The following TXNRD2 variants were observed in gnomAD, a reference collection of about 807,000 sequenced individuals.
TXNRD2 encodes the protein thioredoxin reductase 2, mitochondrial.
Under a neutral mutation model 70.8 loss-of-function variants are expected in TXNRD2, and 67 were observed. The observed-to-expected ratio is 0.95, with a 90% CI of 0.78 to 1.16. TXNRD2 has a LOEUF of 1.16. Ranked by LOEUF, TXNRD2 falls within the 50% of genes most tolerant of loss-of-function variation. TXNRD2 has a pLI of 0.00. For synonymous variants in TXNRD2, 301 were observed against 295.8 expected, an observed-to-expected ratio of 1.02 and a Z score of -0.18; for missense variants, 644 against 719.9, an observed-to-expected ratio of 0.89 and a Z score of 1.21.
intron 1 of TXNRD2, among the ~76,000 whole-genome samples, chr22:19,940,422 G>A (rs1941671120): frequency 6.6e-6 from 1 of 152,034 alleles, no homozygotes; most frequent in Non-Finnish European, 1.5e-5. Flanking sequence ...TGCATAGAAG[G>A]TTCAGTTTGT....
chr22:19,903,052 C>T (rs559104729), intron 8 of TXNRD2: 2 of 518,484 alleles, frequency 3.9e-6, no homozygotes, highest in South Asian at 2.8e-5. Context: ...CCCAGGAGTG[C>T]GAGGACAGAC....
intron 8 of TXNRD2, chr22:19,911,096 A>AAC (rs1940387850): frequency 2.1e-6 from 1 of 485,734 alleles, no homozygotes; most frequent in Non-Finnish European, 3.8e-6. Context: ...CAAAAAAAAA[A>AAC]CCAAAACAGA....
chr22:19,935,447 T>C (rs916477388), intron 1 of TXNRD2, among the ~76,000 whole-genome samples: 3 of 152,228 alleles, frequency 2.0e-5, no homozygotes, highest in South Asian at 2.1e-4. Flanking sequence ...CAGCTGAACA[T>C]AGACCCTTAT....
At chr22:19,915,547 T>C (rs1486869440) in intron 6 of TXNRD2, among the ~76,000 whole-genome samples, 1 of 152,142 alleles carries the variant, frequency 6.6e-6, no homozygotes, top group South Asian at 2.1e-4. Context: ...GCAAAAAGGG[T>C]GTGGTCACCA....
intron 11 of TXNRD2, among the ~76,000 whole-genome samples, chr22:19,884,666 CT>C (rs1757280008): frequency 6.6e-6 from 1 of 152,178 alleles, no homozygotes; most frequent in Non-Finnish European, 1.5e-5. Flanking sequence ...CAATGGCCTC[CT>C]CCCTATCTGG....
rs1203609304 is a variant in TXNRD2, at chr22:19,914,975, CA to C, written c.591+238del. 1.0e-4 allele frequency: 55 copies of C among 528,114 alleles called. 1 individual carries two copies. The Admixed American group carries it at 1.1e-3, about 11-fold the overall frequency. The allele number at this position is 528,114 out of a possible 1,614,324, so 32.7% of individuals were successfully genotyped here. A position where few individuals can be genotyped will look rare whatever the true frequency, so the allele number is the denominator to read the frequency against. ...GTGGAAGGGGACAGATCCAGCGGGG[CA>C]GGGGGAGAGCAGAACGAGAGCTGTC... On this transcript the variant is annotated intron_variant, in intron 7 of 17. Transcript: ENST00000400521.
intron 7 of TXNRD2, among the ~76,000 whole-genome samples, chr22:19,914,640 G>T (rs1940554062): frequency 6.6e-6 from 1 of 152,280 alleles, no homozygotes; most frequent in South Asian, 2.1e-4. Flanking sequence ...CTAGGGGCTG[G>T]GGGAGGAGGC....
intron 1 of TXNRD2, chr22:19,932,544 T>G (rs980629039): frequency 1.0e-5 from 15 of 1,505,168 alleles, no homozygotes; most frequent in Admixed American, 6.0e-5. Context: ...GAACTGGGCC[T>G]GAGGTCCGGG....
In TXNRD2 at chr22:19,893,457, G is replaced by A. The variant is rs1048954548; in HGVS notation, c.949+1950C>T. On this transcript the variant is annotated intron_variant, in intron 11 of 17. Transcript: ENST00000400521. ...TGTGTGTGCCGCCACCCACCCTGACGAGGACCCGCAGCCCTCCTTGCGGCG... is the reference window on the plus strand; with the variant it reads ...TGTGTGTGCCGCCACCCACCCTGACAAGGACCCGCAGCCCTCCTTGCGGCG... Among the ~76,000 whole-genome samples the A allele has an allele frequency of 3.9e-5, 6 of 152,226 alleles. No individual in the cohort carries two copies. In the East Asian group the frequency reaches 9.6e-4, roughly 24 times the overall value.
chr22:19,932,030 G>A (rs923591244), intron 1 of TXNRD2, among the ~76,000 whole-genome samples: 1 of 151,598 alleles, frequency 6.6e-6, no homozygotes, highest in Non-Finnish European at 1.5e-5. Flanking sequence ...GCATGGTGGT[G>A]GGCGCCTGTA....
At chr22:19,879,708 C>T (rs1323020365) in intron 14 of TXNRD2, among the ~76,000 whole-genome samples, 1 of 152,072 alleles carries the variant, frequency 6.6e-6, no homozygotes. Flanking sequence ...AAGGTGGGGA[C>T]AGCACAGAGG....
intron 8 of TXNRD2, among the ~76,000 whole-genome samples, chr22:19,901,018 C>G (rs537127304): frequency 7.9e-5 from 12 of 152,350 alleles, no homozygotes; most frequent in Admixed American, 4.6e-4. Flanking sequence ...GAAGGCCAAC[C>G]CTTCTCCAGG....
intron 8 of TXNRD2, among the ~76,000 whole-genome samples, chr22:19,909,577 A>ATT (rs71186635): frequency 0.23 from 8,337 of 37,004 alleles, 556 homozygotes; most frequent in East Asian, 0.36. Context: ...TACACACACC[A>ATT]CACACACACA....
At chr22:19,881,138 C>A in intron 12 of TXNRD2, 1 of 448,484 alleles carries the variant, frequency 2.2e-6, no homozygotes, top group Non-Finnish European at 3.9e-6. Flanking sequence ...TCCATGTGCT[C>A]CTGACGTGCA....
chr22:19,921,063 T>C lies in TXNRD2; in HGVS notation c.173-1464A>G, dbSNP rs527538210. ...CGGAGCTTGCAGTGAGCCGAGATTG[T>C]GCCACTGTACTCCAGACTGGGTGAC... On this transcript the variant is annotated intron_variant, in intron 2 of 17. Coordinates refer to ENST00000400521, the MANE Select transcript of TXNRD2 (RefSeq NM_006440.5). Among the ~76,000 whole-genome samples the C allele has an allele frequency of 3.4e-5, 5 of 146,744 alleles. No homozygotes were observed. In the South Asian group the frequency reaches 8.6e-4, roughly 25 times the overall value.
intron 2 of TXNRD2, among the ~76,000 whole-genome samples, chr22:19,920,543 A>C (rs1288301988): frequency 6.6e-6 from 1 of 151,892 alleles, no homozygotes; most frequent in African/African-American, 2.4e-5. Flanking sequence ...AGATCACACC[A>C]CTGTACTCCA....
At chr22:19,926,569 C>G (rs1941153276) in intron 2 of TXNRD2, among the ~76,000 whole-genome samples, 1 of 152,078 alleles carries the variant, frequency 6.6e-6, no homozygotes, top group African/African-American at 2.4e-5. Context: ...CTTGAGAGGT[C>G]AAGAGTTCAA....
At chr22:19,910,329 T>C (rs1940350493) in intron 8 of TXNRD2, among the ~76,000 whole-genome samples, 1 of 152,218 alleles carries the variant, frequency 6.6e-6, no homozygotes, top group Non-Finnish European at 1.5e-5. Flanking sequence ...TTGGAGTCTT[T>C]GCTAGATTTC....
intron 14 of TXNRD2, among the ~76,000 whole-genome samples, chr22:19,878,893 G>A (rs895010426): frequency 6.6e-6 from 1 of 152,120 alleles, no homozygotes; most frequent in East Asian, 1.9e-4. Flanking sequence ...CACCGGAGCC[G>A]GAGCTGTTGG....
Sources: gnomAD v4.1 joint callset for allele counts (sites outside exome capture counted in the v4.1 genomes callset) on GRCh38, gnomAD v4.1.1 for gene constraint, MANE v1.5 for transcripts, NCBI Gene and HGNC (gene_info 2026-07-23, HGNC 2026-07-21) for gene names.